Variants in FLNB observed in about 807,000 individuals in gnomAD.
The protein encoded by FLNB is filamin B, also known as filamin-B.
A neutral mutation model predicts 250.6 loss-of-function variants in FLNB; 111 were observed. The ratio of observed to expected loss-of-function variants is 0.44; its 90% CI spans 0.38 to 0.52. FLNB has a LOEUF of 0.52. FLNB is among the 20% of genes least tolerant of loss of function. The pLI, the probability that FLNB is intolerant of heterozygous loss-of-function variation, is 0.00. For synonymous variants in FLNB, 1,302 were observed against 1,372.1 expected (o/e 0.95, Z 1.13); for missense variants, 2,869 against 3,447.8 (o/e 0.83, Z 4.20).
intron 44 of FLNB, 187 bp downstream of exon 44, chr3:58,168,845 G>C: frequency 3.1e-6 from 2 of 640,420 alleles, no homozygotes; most frequent in East Asian, 2.8e-5. Flanking sequence ...GAGTGGAGCC[G>C]TGCAGAAGTT....
chr3:58,065,609 G>A (rs894526472), intron 1 of FLNB, among the ~76,000 whole-genome samples: 7 of 152,268 alleles, frequency 4.6e-5, no homozygotes, highest in Non-Finnish European at 8.8e-5. Context: ...AGGAGAGGGG[G>A]CTGGAAGAGA....
Position 58,134,683 on chromosome 3 carries a change from A to G in FLNB, c.4582A>G (p.Ser1528Gly), listed in dbSNP as rs1174433552. 13 of 1,614,074 alleles carry G rather than the reference A, an allele frequency of 8.1e-6. No individual in the cohort carries two copies. The highest frequency in any genetic ancestry group is 6.8e-6 in the Non-Finnish European group (8 of 1,180,024). Residue 1528 changes from serine to glycine, a missense_variant, in exon 27 of 46, where the codon AGT becomes GGT. By Grantham distance (56) the Ser-to-Gly change is moderately conservative (BLOSUM62 0). Coordinates refer to ENST00000295956, the MANE Select transcript of FLNB (RefSeq NM_001457.4). ...SKVTASGPGL[S>G]SYGVPASLPV... Reference sequence around the variant, plus strand: ...AGTGACTGCCAGTGGCCCCGGCCTTAGTTCCTATGGTGTGCCTGCCAGTCT... The same window carrying G: ...AGTGACTGCCAGTGGCCCCGGCCTTGGTTCCTATGGTGTGCCTGCCAGTCT...
At chr3:58,009,419 C>T (rs1226067200) in intron 1 of FLNB, among the ~76,000 whole-genome samples, 1 of 152,142 alleles carries the variant, frequency 6.6e-6, no homozygotes, top group Non-Finnish European at 1.5e-5. Context: ...GTGTGGGCCC[C>T]GAGGTTGCAA....
chr3:58,039,106 C>T (rs2097142458), intron 1 of FLNB, among the ~76,000 whole-genome samples: 1 of 148,374 alleles, frequency 6.7e-6, no homozygotes, highest in Non-Finnish European at 1.5e-5. Context: ...TAGCTCACTG[C>T]AGCCTTGACC....
At chr3:58,093,024 G>A (rs1008246936) in intron 4 of FLNB, among the ~76,000 whole-genome samples, 1 of 152,176 alleles carries the variant, frequency 6.6e-6, no homozygotes, top group South Asian at 2.1e-4. Flanking sequence ...TCAGAGGCCA[G>A]TCAGAAGTGG....
Position 58,123,669 on chromosome 3 carries a change from G to A in FLNB, c.3703G>A (p.Gly1235Arg), listed in dbSNP as rs747507752. The change falls in exon 21 of 46, where the codon GGA becomes AGA. Residue 1235 changes from glycine to arginine, a missense_variant. Gly to Arg is a moderately radical substitution (Grantham distance 125). This residue lies in a region of FLNB where 1,348 missense variants were observed against 1,466.7 expected (regional missense o/e 0.92). Transcript: ENST00000295956. Reference sequence around the variant, plus strand: ...GGACACCAGCAGGATCAAAGTCTTTGGACCAGGAATAGAAGGGAAAGGTGG... The same window carrying A: ...GGACACCAGCAGGATCAAAGTCTTTAGACCAGGAATAGAAGGGAAAGGTGG... ...AVDTSRIKVF[G>R]PGIEGKDVFR... 6.4e-7 allele frequency: 1 copy of A among 1,565,642 alleles called. No homozygotes were observed. The highest frequency in any genetic ancestry group is 1.7e-5 in the Admixed American group (1 of 59,128).
In FLNB at chr3:58,020,048, G is replaced by GGGGTGTGT. The variant is rs1255450719; in HGVS notation, c.292+11193_292+11194insGGTGTGTG. Reference sequence around the variant, plus strand: ...ACAGCACACACCATGACACCACAGGGGTGTGTGTGTGTGTGTGTGTGTGTG... The same window carrying GGGGTGTGT: ...ACAGCACACACCATGACACCACAGGGGGGTGTGTGTGTGTGTGTGTGTGTGTGTGTGTG... On this transcript the variant is annotated intron_variant, in intron 1 of 45. Transcript: ENST00000295956. Among the ~76,000 whole-genome samples, 10 of 136,994 alleles carry GGGGTGTGT rather than the reference G, an allele frequency of 7.3e-5. No homozygotes were observed. In the East Asian group the frequency reaches 1.1e-3, roughly 15 times the overall value. The allele number at this position is 136,994 out of a possible 152,430, so 89.9% of individuals were successfully genotyped here. A position where few individuals can be genotyped will look rare whatever the true frequency, so the allele number is the denominator to read the frequency against.
intron 29 of FLNB, 101 bp downstream of exon 29, chr3:58,138,630 T>C (rs1041094994): frequency 4.0e-5 from 60 of 1,498,902 alleles, no homozygotes; most frequent in African/African-American, 8.3e-5. Flanking sequence ...ACCTTTTTTT[T>C]CCTTTGGAAA....
At chr3:58,112,051 T>C in intron 17 of FLNB, 98 bp from the exon 18 acceptor site, 40 of 1,295,300 alleles carry the variant, frequency 3.1e-5, no homozygotes, top group Non-Finnish European at 4.4e-5. Flanking sequence ...TTGCTGGCTG[T>C]CATAATAGAC....
intron 6 of FLNB, 91 bp from the exon 7 acceptor site, chr3:58,097,724 G>A: frequency 7.9e-7 from 1 of 1,264,000 alleles, no homozygotes; most frequent in South Asian, 1.3e-5. Context: ...GGGAGGGTAG[G>A]AGAGGTGATC....
chr3:58,042,228 C>T (rs1576624214), intron 1 of FLNB, among the ~76,000 whole-genome samples: 1 of 152,190 alleles, frequency 6.6e-6, no homozygotes, highest in Non-Finnish European at 1.5e-5. Flanking sequence ...CACAAGTGGA[C>T]TTGGCCTCCT....
At chr3:58,036,166 G>A (rs778685870) in intron 1 of FLNB, among the ~76,000 whole-genome samples, 1 of 152,166 alleles carries the variant, frequency 6.6e-6, no homozygotes, top group South Asian at 2.1e-4. Flanking sequence ...TATTCTGACT[G>A]TGCTCTTCGT....
In FLNB at chr3:58,109,028, G is replaced by A. The variant is rs188798461; in HGVS notation, c.2056-151G>A. ...TCATATTTTGTCACTGGTTGTCACC[G>A]TGTTGTGAAAATATGGCACATTGTA... is the stretch of plus-strand genomic sequence containing the variant. On this transcript the variant is annotated intron_variant, in intron 13 of 45. Coordinates refer to ENST00000295956, the MANE Select transcript of FLNB (RefSeq NM_001457.4). 235 of 841,660 alleles carry A rather than the reference G, an allele frequency of 2.8e-4. 7 individuals are homozygous for A. Among genetic ancestry groups the A allele is most frequent in the South Asian group, 2.2e-3 (156 of 69,484 alleles). 52.1% of individuals were successfully genotyped at this position (841,660 alleles called of 1,614,324 possible).
chr3:58,154,560 A>AG, intron 39 of FLNB: 1 of 486,048 alleles, frequency 2.1e-6, no homozygotes, highest in Non-Finnish European at 3.7e-6. Flanking sequence ...AAAAAAAAAA[A>AG]AGACATGTCT....
chr3:58,070,090 C>T (rs1326132070), intron 1 of FLNB, among the ~76,000 whole-genome samples: 1 of 150,226 alleles, frequency 6.7e-6, no homozygotes, highest in African/African-American at 2.5e-5. Flanking sequence ...TTTCTGTCAC[C>T]CAGGCTGGAG....
At chr3:58,012,001 A>G (rs571675938) in intron 1 of FLNB, among the ~76,000 whole-genome samples, 5 of 152,308 alleles carry the variant, frequency 3.3e-5, no homozygotes, top group Non-Finnish European at 4.4e-5. Context: ...ACCTGAGGTC[A>G]GGAGTTCGAG....
At chr3:58,064,368 G>T (rs902700648) in intron 1 of FLNB, among the ~76,000 whole-genome samples, 1 of 151,988 alleles carries the variant, frequency 6.6e-6, no homozygotes. Context: ...CCTGAGTTTC[G>T]CCAGGCTGGT....
intron 43 of FLNB, chr3:58,165,273 G>A (rs1012548865): frequency 6.6e-6 from 1 of 152,300 alleles, no homozygotes; most frequent in Non-Finnish European, 1.5e-5. Context: ...TGGGAGCTTG[G>A]GTTTCAGGCT....
intron 1 of FLNB, among the ~76,000 whole-genome samples, chr3:58,075,728 A>G: frequency 6.6e-6 from 1 of 152,130 alleles, no homozygotes; most frequent in East Asian, 1.9e-4. Flanking sequence ...TTGCCAAAAG[A>G]GTTAGGTAGG....
Sources: gnomAD v4.1 joint callset for allele counts (sites outside exome capture counted in the v4.1 genomes callset) on GRCh38, gnomAD v4.1.1 for gene constraint, gnomAD v4.1.1 regional missense constraint, MANE v1.5 for transcripts, NCBI Gene and HGNC (gene_info 2026-07-23, HGNC 2026-07-21) for gene names.